Variants in PPL observed in about 807,000 individuals in gnomAD.
PPL encodes 190 kDa paraneoplastic pemphigus antigen.
Under a neutral mutation model 194.4 loss-of-function variants are expected in PPL, and 198 were observed. That is an observed-to-expected ratio of 1.02 (90% CI 0.91 to 1.15). The LOEUF (loss-of-function observed/expected upper bound fraction) is 1.15, where lower values mean the gene tolerates loss of function less well. Among genes scored for constraint, PPL ranks in the 50% most tolerant of loss-of-function variants. PPL has a pLI of 0.00. For synonymous variants in PPL, 1,220 were observed against 972.4 expected (o/e 1.25, Z -4.74); for missense variants, 2,885 against 2,294.8 (o/e 1.26, Z -5.25).
Position 4,914,514 on chromosome 16 carries a change from G to T in PPL, c.63-3565C>A, listed in dbSNP as rs185273404. The stretch of plus-strand genomic sequence containing the variant: ...ACCTTGCTTAAGGGCCAGCTTTGTG[G>T]CAGACCTGGATACACCGGAGCTGGG... On this transcript the variant is annotated intron_variant, in intron 1 of 21. Coordinates refer to ENST00000345988, the MANE Select transcript of PPL (RefSeq NM_002705.5). Among the ~76,000 whole-genome samples, 557 of 152,268 alleles carry T rather than the reference G, an allele frequency of 3.7e-3. 5 individuals carry two copies. Among genetic ancestry groups the T allele is most frequent in the African/African-American group, 0.013 (539 of 41,552 alleles).
Position 4,903,303 on chromosome 16 carries a change from G to A in PPL, c.317+583C>T, listed in dbSNP as rs577349826. Reference sequence around the variant, plus strand: ...AGCCAGGGACAGGGCACCAGGCAGCGGAAGAGCTCGCTCAAAAGCTCACAG... The same window carrying A: ...AGCCAGGGACAGGGCACCAGGCAGCAGAAGAGCTCGCTCAAAAGCTCACAG... On this transcript the variant is annotated intron_variant, in intron 3 of 21. Transcript: ENST00000345988. Among the ~76,000 whole-genome samples the A allele has an allele frequency of 7.2e-5, 11 of 152,164 alleles. No individual in the cohort carries two copies. In the East Asian group the frequency reaches 1.7e-3, roughly 24 times the overall value.
At chr16:4,936,453 C>G (rs1391951179) in intron 1 of PPL, among the ~76,000 whole-genome samples, 15 of 152,162 alleles carry the variant, frequency 9.9e-5, no homozygotes, top group Admixed American at 9.8e-4. Context: ...TCCCTCGCCT[C>G]CCCGACGCCA....
chr16:4,895,863 T>G (rs1285877900), intron 9 of PPL, 147 bp from the exon 10 acceptor site: 16 of 1,180,412 alleles, frequency 1.4e-5, no homozygotes, highest in Non-Finnish European at 1.8e-5. Context: ...AGCCTGAGGC[T>G]CCTCTGCGTG....
chr16:4,933,985 C>T (rs1012864981), intron 1 of PPL, among the ~76,000 whole-genome samples: 4 of 152,242 alleles, frequency 2.6e-5, no homozygotes, highest in Admixed American at 6.5e-5. Flanking sequence ...CCTGAGCCAA[C>T]ATCGCCAGGC....
chr16:4,886,148 G>A, intron 21 of PPL, 101 bp from the exon 22 acceptor site: 2 of 1,420,084 alleles, frequency 1.4e-6, no homozygotes, highest in Non-Finnish European at 1.9e-6. Context: ...GTCCCCAAGG[G>A]ACTCCCTCAG....
chr16:4,933,379 G>A (rs568106040), intron 1 of PPL, among the ~76,000 whole-genome samples: 1 of 152,240 alleles, frequency 6.6e-6, no homozygotes, highest in African/African-American at 2.4e-5. Flanking sequence ...CTGGGTGGAG[G>A]GGCAAGATTA....
chr16:4,903,454 C>G (rs2075634), intron 3 of PPL, among the ~76,000 whole-genome samples: 20,994 of 151,830 alleles, frequency 0.14, 1,631 homozygotes, highest in South Asian at 0.25. Flanking sequence ...GTAATCCCAG[C>G]ACTTTGTGTA....
In PPL at chr16:4,920,958, G is replaced by A. The variant is rs576227950; in HGVS notation, c.63-10009C>T. ...TGCTGGCTGTTTCACCAGTGGGCCTGAATGAGGACCCAGAACTTGGTTGGC... is the reference window on the plus strand; with the variant it reads ...TGCTGGCTGTTTCACCAGTGGGCCTAAATGAGGACCCAGAACTTGGTTGGC... On this transcript the variant is annotated intron_variant, in intron 1 of 21. Transcript: ENST00000345988. Among the ~76,000 whole-genome samples the A allele has an allele frequency of 5.9e-5, 9 of 152,308 alleles. 2 individuals carry two copies. In the South Asian group the frequency reaches 1.9e-3, roughly 32 times the overall value.
chr16:4,889,276 A>T (rs1371261813), intron 18 of PPL, among the ~76,000 whole-genome samples: 3 of 48,956 alleles, frequency 6.1e-5, no homozygotes, highest in Admixed American at 3.6e-4. Context: ...TTTTTTTTTG[A>T]GACAGTCTCA....
chr16:4,900,768 C>G lies in PPL; in HGVS notation c.606+62G>C, dbSNP rs552064454. ...TTAAAACAATACATCCTTGTCCCCC[C>G]GACTCCAAGCTTCCCATCCTCTCCT... On this transcript the variant is annotated intron_variant, in intron 6 of 21. Transcript: ENST00000345988. 9 of 1,607,064 alleles carry G rather than the reference C, an allele frequency of 5.6e-6. 1 individual carries two copies. The South Asian group carries it at 8.8e-5, about 16-fold the overall frequency.
At position 4,895,578 on chromosome 16, in the gene PPL, C is replaced by T; in HGVS notation, c.1095+16G>A. 1 of 1,613,686 alleles carries T rather than the reference C, an allele frequency of 6.2e-7. No individual in the cohort carries two copies. The highest frequency in any genetic ancestry group is 1.1e-5 in the South Asian group (1 of 91,074). On this transcript the variant is annotated intron_variant, in intron 10 of 21. Coordinates refer to ENST00000345988, the MANE Select transcript of PPL (RefSeq NM_002705.5). ...CCCGCCCCCCGGGCCAGCAGGGGTC[C>T]TGGGCCATCGCTCACATCCAGCTCC...
intron 1 of PPL, among the ~76,000 whole-genome samples, chr16:4,932,574 C>T (rs1481148812): frequency 6.6e-6 from 1 of 152,036 alleles, no homozygotes; most frequent in East Asian, 1.9e-4. Flanking sequence ...CCACCACACC[C>T]AGCTAATTTT....
chr16:4,892,216 G>T lies in PPL; in HGVS notation c.1651-3C>A. ...CGCAGTAGCTCGTTGGTGATGTTCT[G>T]TGGGAACCAGGGCCCCTCAGTTTTG... On this transcript the variant is annotated splice_polypyrimidine_tract_variant and splice_region_variant and intron_variant, in intron 14 of 21. Coordinates refer to ENST00000345988, the MANE Select transcript of PPL (RefSeq NM_002705.5). 6.2e-7 allele frequency: 1 copy of T among 1,607,592 alleles called. No individual in the cohort carries two copies. The highest frequency in any genetic ancestry group is 8.5e-7 in the Non-Finnish European group (1 of 1,175,098).
intron 4 of PPL, among the ~76,000 whole-genome samples, chr16:4,901,492 C>A (rs542718877): frequency 6.6e-6 from 1 of 152,268 alleles, no homozygotes; most frequent in South Asian, 2.1e-4. Flanking sequence ...AGTTTGAGAC[C>A]AGCCTGGCCA....
chr16:4,909,375 C>G (rs1414653801), intron 2 of PPL, among the ~76,000 whole-genome samples: 2 of 151,478 alleles, frequency 1.3e-5, no homozygotes, highest in Non-Finnish European at 2.9e-5. Context: ...TAGACCTTGA[C>G]CTCCCTCCTG....
Position 4,905,499 on chromosome 16 carries a change from T to C in PPL, c.163-1459A>G, listed in dbSNP as rs78788901. ...GATCTTGCACGGGATGAAAATATTC[T>C]GAAACTGATTCATGGGCGTGGTTCT... On this transcript the variant is annotated intron_variant, in intron 2 of 21. Transcript: ENST00000345988. 5.3e-4 allele frequency among the ~76,000 whole-genome samples: 80 copies of C among 152,344 alleles called. No homozygotes were observed. In the East Asian group the frequency reaches 0.013, roughly 25 times the overall value.
At chr16:4,895,023 C>G (rs2088394442) in intron 11 of PPL, among the ~76,000 whole-genome samples, 1 of 152,174 alleles carries the variant, frequency 6.6e-6, no homozygotes, top group African/African-American at 2.4e-5. Context: ...GAGAACCTGG[C>G]CTGGGACTTC....
intron 1 of PPL, among the ~76,000 whole-genome samples, chr16:4,924,934 G>A (rs1235543796): frequency 6.6e-6 from 1 of 152,246 alleles, no homozygotes. Context: ...CAGAACTGCT[G>A]TGTCCCCTGC....
intron 16 of PPL, 30 bp from the exon 17 acceptor site, chr16:4,890,951 C>CTACGGCCA: frequency 6.7e-7 from 1 of 1,484,842 alleles, no homozygotes. Flanking sequence ...GACGGCGGTG[C>CTACGGCCA]TACGGCCAGA....
Sources: gnomAD v4.1 joint callset for allele counts (sites outside exome capture counted in the v4.1 genomes callset) on GRCh38, gnomAD v4.1.1 for gene constraint, MANE v1.5 for transcripts, NCBI Gene and HGNC (gene_info 2026-07-23, HGNC 2026-07-21) for gene names.